CP: variants seen among roughly 807,000 people sequenced by gnomAD.
CP encodes caeruloplasmin.
In CP, 64 loss-of-function variants were observed where a neutral mutation model predicts 122.4. The ratio of observed to expected loss-of-function variants is 0.52; its 90% confidence interval spans 0.43 to 0.64. The LOEUF (loss-of-function observed/expected upper bound fraction) is 0.64. Among genes scored for constraint, CP ranks in the 30% least tolerant of loss-of-function variants. The probability of loss-of-function intolerance (pLI) is 0.00; values close to 1 mark genes in which losing one functional copy is unlikely to be tolerated. For synonymous variants in CP, 440 were observed against 436.4 expected, an observed-to-expected ratio of 1.01 and a Z score of -0.10; for missense variants, 1,167 against 1,284.4, an observed-to-expected ratio of 0.91 and a Z score of 1.40.
intron 14 of CP, among the ~76,000 whole-genome samples, chr3:149,181,314 C>T (rs1409128759): frequency 2.6e-5 from 4 of 152,150 alleles, no homozygotes; most frequent in African/African-American, 9.7e-5. Context: ...AGAATCAATT[C>T]GTGCACAATT....
chr3:149,205,502 C>G (rs1473513682), intron 6 of CP, among the ~76,000 whole-genome samples: 1 of 151,746 alleles, frequency 6.6e-6, no homozygotes, highest in Non-Finnish European at 1.5e-5. Context: ...AAATGTTTAT[C>G]AACAGATGAA....
At chr3:149,164,358 T>C (rs985464877) in intron 5 of CP, among the ~76,000 whole-genome samples, 3 of 152,212 alleles carry the variant, frequency 2.0e-5, no homozygotes, top group South Asian at 2.1e-4. Context: ...ATTTCTCTTA[T>C]AGGAAACAGG....
Position 149,183,934 on chromosome 3 carries a change from A to G in CP, c.2286-329T>C, listed in dbSNP as rs928075178. The stretch of plus-strand genomic sequence containing the variant: ...ATTTGAACAGATCATCTCTAAGATT[A>G]CTTTATAGCTCTAAAATTTTATGAG... On this transcript the variant is annotated intron_variant, in intron 12 of 18. Coordinates refer to ENST00000264613, the MANE Select transcript of CP (RefSeq NM_000096.4). Among the ~76,000 whole-genome samples, 7 of 149,752 alleles carry G rather than the reference A, an allele frequency of 4.7e-5. 1 individual carries two copies. Among genetic ancestry groups the G allele is most frequent in the African/African-American group, 1.7e-4 (7 of 40,596 alleles).
At chr3:149,178,769 AT>A (rs1304086165) in intron 15 of CP, 138 bp from the exon 16 acceptor site, 4 of 670,640 alleles carry the variant, frequency 6.0e-6, no homozygotes, top group South Asian at 1.7e-5. Flanking sequence ...GGTACTGCCA[AT>A]TTAGTAACTT....
At chr3:149,217,793 G>A (rs1728562161) in intron 1 of CP, 1 of 246,376 alleles carries the variant, frequency 4.1e-6, no homozygotes, top group Admixed American at 5.4e-5. Flanking sequence ...GATAACAATA[G>A]TGAAATGAAC....
At chr3:149,187,950 A>G in intron 10 of CP, 102 bp downstream of exon 10, 1 of 1,290,834 alleles carries the variant, frequency 7.7e-7, no homozygotes, top group Non-Finnish European at 1.1e-6. Flanking sequence ...TTTATTGAAA[A>G]AATAATCAAT....
In CP at chr3:149,177,950, G is replaced by A. The variant is rs1249997250; in HGVS notation, c.2908C>T (p.Gln970Ter). 1 of 1,613,574 alleles carries A rather than the reference G, an allele frequency of 6.2e-7. No homozygotes were observed. The highest frequency in any genetic ancestry group is 8.5e-7 in the Non-Finnish European group (1 of 1,179,486). ...AINGRMFGNL[Q>*]GLTMHVGDEV... Reference sequence around the variant, plus strand: ...TCTCCCACGTGCATTGTGAGGCCTTGTAGGTTTCCAAACATTCTTCCATTA... The same window carrying A: ...TCTCCCACGTGCATTGTGAGGCCTTATAGGTTTCCAAACATTCTTCCATTA... Residue 970 changes from glutamine to a stop codon, truncating the protein, a stop_gained, in exon 17 of 19, where the codon CAA (glutamine) becomes TAA (stop). Coordinates refer to ENST00000264613, the MANE Select transcript of CP (RefSeq NM_000096.4). LOFTEE classifies it high-confidence loss of function.
chr3:149,201,986 C>A, intron 7 of CP, 116 bp downstream of exon 7: 1 of 1,302,322 alleles, frequency 7.7e-7, no homozygotes, highest in South Asian at 1.2e-5. Context: ...TTATCTTCCA[C>A]ACGCCTACTT....
chr3:149,199,616 G>T, intron 8 of CP, 96 bp downstream of exon 8: 1 of 1,438,316 alleles, frequency 7.0e-7, no homozygotes, highest in Non-Finnish European at 9.8e-7. Context: ...GGTTTCCTTG[G>T]GAGTTCCTGC....
Position 149,185,101 on chromosome 3 carries a change from TTTGTTGTTGTTG to T in CP, c.2285+126_2285+137del, listed in dbSNP as rs141521527. On this transcript the variant is annotated intron_variant, in intron 12 of 18. Coordinates refer to ENST00000264613, the MANE Select transcript of CP (RefSeq NM_000096.4). ...ATAAGGACAAGTTCCTAGGAAGTGTTTTGTTGTTGTTGTTGTTGTTGTTGTTATTGTTTAATG... is the reference window on the plus strand; with the variant it reads ...ATAAGGACAAGTTCCTAGGAAGTGTTTTGTTGTTGTTGTTATTGTTTAATG... 1.1e-5 allele frequency: 8 copies of T among 736,026 alleles called. No homozygotes were observed. In the Admixed American group the frequency reaches 1.1e-4, roughly 10 times the overall value. The allele number at this position is 736,026 out of a possible 1,614,324, so 45.6% of individuals were successfully genotyped here. A position where few individuals can be genotyped will look rare whatever the true frequency, so the allele number is the denominator to read the frequency against.
chr3:149,179,896 G>A, intron 14 of CP: 1 of 487,648 alleles, frequency 2.1e-6, no homozygotes, highest in Non-Finnish European at 3.7e-6. Flanking sequence ...TTTTAAATTA[G>A]CTATAACCCA....
chr3:149,202,219 G>C lies in CP; in HGVS notation c.1231C>G (p.Gln411Glu). The C allele has an allele frequency of 6.2e-7, 1 of 1,614,144 alleles. No individual in the cohort carries two copies. ...PGSDSAVFFE[Q>E]GTTRIGGSYK... ...GAGCCTCCAATTCTTGTGGTACCTT[G>C]TTCAAAAAACACCGCTGAGTCACTG... Residue 411 changes from glutamine (Q) to glutamate (E), a missense_variant, in exon 7 of 19, where the codon CAA becomes GAA. Around this residue, in one of 2 missense-constraint regions of CP, gnomAD observed 642 missense variants for 627.3 expected, o/e 1.02. Coordinates refer to ENST00000264613, the MANE Select transcript of CP (RefSeq NM_000096.4).
At chr3:149,220,500 A>G (rs1052411181) in intron 1 of CP, among the ~76,000 whole-genome samples, 2 of 152,080 alleles carry the variant, frequency 1.3e-5, no homozygotes, top group African/African-American at 4.8e-5. Flanking sequence ...TAAAAAAGAA[A>G]TAATTACAAG....
rs112903087 is a variant in CP, at chr3:149,174,297, A to G, written c.3182-567T>C. On this transcript the variant is annotated intron_variant, in intron 18 of 18. Transcript: ENST00000264613. ...GATTAGGATTATTAGCGAAATTTGA[A>G]GATCTCTAGTTTTTAAATCATTGTT... Among the ~76,000 whole-genome samples, 246 of 152,344 alleles carry G rather than the reference A, an allele frequency of 1.6e-3. 3 individuals are homozygous for G. Among genetic ancestry groups the G allele is most frequent in the African/African-American group, 5.4e-3 (223 of 41,592 alleles).
In CP at chr3:149,209,323, C is replaced by G. The variant is rs35438054; in HGVS notation, c.669G>C (p.Val223=). ...IDREFVVMFS[V]VDENFSWYLE... ...GGTACCAGCTGAAATTTTCATCCAC[C>G]ACAGAAAACATCACCACAAATTCTC... Residue 223 remains valine, a synonymous_variant, in exon 4 of 19, where the codon GTG becomes GTC. Coordinates refer to ENST00000264613, the MANE Select transcript of CP (RefSeq NM_000096.4). The G allele has an allele frequency of 1.1e-3, 1,771 of 1,613,756 alleles. 18 individuals carry two copies. In the African/African-American group the frequency reaches 0.02, roughly 19 times the overall value.
At chr3:149,193,595 T>C (rs1726687476) in intron 9 of CP, among the ~76,000 whole-genome samples, 1 of 152,256 alleles carries the variant, frequency 6.6e-6, no homozygotes, top group Non-Finnish European at 1.5e-5. Flanking sequence ...TATTTTCATA[T>C]TAAAATGATA....
At chr3:149,168,001 T>TTC, downstream of CP, 2 of 1,357,766 alleles carry the variant, frequency 1.5e-6, no homozygotes, top group South Asian at 2.3e-5. Flanking sequence ...GATTTTTTTT[T>TTC]TGCTTGATTA....
rs767161351 is a variant in CP, at chr3:149,207,471, G to T, written c.928C>A (p.Arg310Ser). The change falls in exon 5 of 19, where the codon CGT becomes AGT. Residue 310 changes from arginine (R) to serine (S), a missense_variant. Around this residue, in one of 2 missense-constraint regions of CP, gnomAD observed 642 missense variants for 627.3 expected, o/e 1.02. Transcript: ENST00000264613. Reference protein sequence around the residue: ...HGQALTNKNYRIDTINLFPAT... With the variant: ...HGQALTNKNYSIDTINLFPAT... Reference sequence around the variant, plus strand: ...GGAAAGAGGTTGATTGTGTCAATACGGTAGTTCTTGTTAGTCAGTGCTTGC... The same window carrying T: ...GGAAAGAGGTTGATTGTGTCAATACTGTAGTTCTTGTTAGTCAGTGCTTGC... 6.2e-7 allele frequency: 1 copy of T among 1,613,932 alleles called. No individual in the cohort carries two copies. Among genetic ancestry groups the T allele is most frequent in the Non-Finnish European group, 8.5e-7 (1 of 1,179,884 alleles).
At chr3:149,188,024 G>A in intron 10 of CP, 28 bp downstream of exon 10, 1 of 1,610,454 alleles carries the variant, frequency 6.2e-7, no homozygotes. Flanking sequence ...AAATAACTTG[G>A]TAGATTGGTG....
Sources: gnomAD v4.1 joint callset for allele counts (sites outside exome capture counted in the v4.1 genomes callset) on GRCh38, gnomAD v4.1.1 for gene constraint, gnomAD v4.1.1 regional missense constraint, MANE v1.5 for transcripts, NCBI Gene and HGNC (gene_info 2026-07-23, HGNC 2026-07-21) for gene names.